Variants in RNF19B observed in about 807,000 individuals in gnomAD.
RNF19B encodes ring finger protein 19B.
Under a neutral mutation model 65.5 loss-of-function variants are expected in RNF19B, and 23 were observed. That is an observed-to-expected ratio of 0.35 (90% CI 0.25 to 0.50). The LOEUF is 0.50. RNF19B is among the 20% of genes least tolerant of loss of function. The probability of loss-of-function intolerance (pLI) is 0.98; values close to 1 mark genes in which losing one functional copy is unlikely to be tolerated. For missense variants in RNF19B, 794 were observed against 980.0 expected (o/e 0.81, Z 2.53); for synonymous variants, 372 against 379.6 (o/e 0.98, Z 0.23).
intron 7 of RNF19B, 34 bp downstream of exon 7, chr1:32,942,218 A>T: frequency 6.5e-7 from 1 of 1,544,992 alleles, no homozygotes; most frequent in Non-Finnish European, 8.9e-7. Flanking sequence ...TTATAATTCT[A>T]ACCATTTCTG....
At chr1:32,946,923 A>C (rs1334959876) in intron 3 of RNF19B, among the ~76,000 whole-genome samples, 1 of 152,168 alleles carries the variant, frequency 6.6e-6, no homozygotes, top group African/African-American at 2.4e-5. Flanking sequence ...GACACACTGC[A>C]CCCTGCACTA....
intron 1 of RNF19B, among the ~76,000 whole-genome samples, chr1:32,954,885 T>G (rs903795490): frequency 1.3e-5 from 2 of 152,102 alleles, no homozygotes; most frequent in African/African-American, 4.8e-5. Flanking sequence ...AAAAACATCG[T>G]ACACTCTGTC....
chr1:32,945,630 TAAG>T lies in RNF19B; in HGVS notation c.1147-5_1147-3del. ...CCTTCCCTCATACCTGCTGTGAATC[TAAG>T]AATAAAAAAAGAAAATCCAGGTCAG... On this transcript the variant is annotated splice_polypyrimidine_tract_variant and splice_region_variant and intron_variant, in intron 4 of 8. Coordinates refer to ENST00000235150, the MANE Select transcript of RNF19B (RefSeq NM_001300826.2). 1 of 1,586,216 alleles carries T rather than the reference TAAG, an allele frequency of 6.3e-7. No individual in the cohort carries two copies. The highest frequency in any genetic ancestry group is 8.7e-7 in the Non-Finnish European group (1 of 1,155,168).
chr1:32,938,454 T>C lies in RNF19B; in HGVS notation c.1685A>G (p.Asn562Ser), dbSNP rs1311243123. ...ACCGGCCATAGCACGAGTGCTTGCGTTGTCACTAATTGCACCAAGACTGGC... is the reference window on the plus strand; with the variant it reads ...ACCGGCCATAGCACGAGTGCTTGCGCTGTCACTAATTGCACCAAGACTGGC... The part of the protein sequence containing the change: ...DTASLGAISD[N>S]ASTRAMAGSI... Residue 562 changes from asparagine to serine, a missense_variant, in exon 8 of 9, where the codon AAC becomes AGC. Around this residue, in one of 3 missense-constraint regions of RNF19B, gnomAD observed 368 missense variants for 447.3 expected, o/e 0.82. Coordinates refer to ENST00000235150, the MANE Select transcript of RNF19B (RefSeq NM_001300826.2). 1.2e-6 allele frequency: 2 copies of C among 1,614,082 alleles called. No individual in the cohort carries two copies. The highest frequency in any genetic ancestry group is 8.5e-7 in the Non-Finnish European group (1 of 1,180,040).
rs1395882341 is a variant in RNF19B at position 32,944,119 on chromosome 1, A to G, written c.1302T>C (p.Val434=). The G allele has an allele frequency of 1.2e-6, 2 of 1,613,998 alleles. No homozygotes were observed. Among genetic ancestry groups the G allele is most frequent in the South Asian group, 1.1e-5 (1 of 91,050 alleles). The change falls in exon 6 of 9, where the codon GTT becomes GTC. Residue 434 remains valine, a synonymous_variant. Coordinates refer to ENST00000235150, the MANE Select transcript of RNF19B (RefSeq NM_001300826.2). Reference sequence around the variant, plus strand: ...CTCCACGACAAAGAGAAATGGGCACAACCCCATAAACATATGCCAGCATAA... The same window carrying G: ...CTCCACGACAAAGAGAAATGGGCACGACCCCATAAACATATGCCAGCATAA... ...VPIMLAYVYG[V]VPISLCRGGG...
In RNF19B at chr1:32,942,301, C is replaced by T. The variant is rs1642254775; in HGVS notation, c.1561G>A (p.Gly521Ser). ...ETASFAALSG[G>S]TLSGGILSSG... ...GAGAGAATGCCGCCACTCAGCGTGC[C>T]CCCTGAGAGGGCTGCAAAGCTGGCC... is the stretch of plus-strand genomic sequence containing the variant. Residue 521 changes from glycine (G) to serine (S), a missense_variant, in exon 7 of 9, where the codon GGC (glycine) becomes AGC (serine). Coordinates refer to ENST00000235150, the MANE Select transcript of RNF19B (RefSeq NM_001300826.2). 6.2e-7 allele frequency: 1 copy of T among 1,613,616 alleles called. No homozygotes were observed. The highest frequency in any genetic ancestry group is 8.5e-7 in the Non-Finnish European group (1 of 1,179,674).
chr1:32,945,709 T>G, intron 4 of RNF19B, 81 bp from the exon 5 acceptor site: 1 of 763,900 alleles, frequency 1.3e-6, no homozygotes, highest in Non-Finnish European at 2.3e-6. Flanking sequence ...AGGTGAATAT[T>G]CACTTGTAAG....
downstream of RNF19B, among the ~76,000 whole-genome samples, chr1:32,934,927 A>G (rs147501578): frequency 0.011 from 1,736 of 151,740 alleles, 32 homozygotes; most frequent in African/African-American, 0.039. Flanking sequence ...CCGCCTCCCG[A>G]GTTCAAGTGA....
At chr1:32,931,020 A>G in the RNF19B span, among the ~76,000 whole-genome samples, 2 of 151,972 alleles carry the variant, frequency 1.3e-5, no homozygotes, top group African/African-American at 2.4e-5. Flanking sequence ...CCTGGGAAGC[A>G]GAGGTTGCAG....
intron 5 of RNF19B, among the ~76,000 whole-genome samples, chr1:32,945,231 T>C (rs951934385): frequency 4.6e-5 from 7 of 152,186 alleles, no homozygotes; most frequent in African/African-American, 9.7e-5. Flanking sequence ...AGAAGGAAGA[T>C]GAAAGGTGAA....
Position 32,949,654 on chromosome 1 carries a change from A to G in RNF19B, c.756T>C (p.Asp252=), listed in dbSNP as rs372791398. The part of the protein sequence containing the change: ...KQIWHPNQTC[D]MARQQRAQTL... ...TCTGGGCCCTCTGTTGACGGGCCATATCGCATGTCTGATTTGGATGCCATA... is the reference window on the plus strand; with the variant it reads ...TCTGGGCCCTCTGTTGACGGGCCATGTCGCATGTCTGATTTGGATGCCATA... Residue 252 remains aspartate (D), a synonymous_variant, in exon 2 of 9, where the codon GAT becomes GAC. Transcript: ENST00000235150. 26 of 1,613,830 alleles carry G rather than the reference A, an allele frequency of 1.6e-5. No homozygotes were observed. Among genetic ancestry groups the G allele is most frequent in the Admixed American group, 3.3e-5 (2 of 59,968 alleles).
chr1:32,951,930 G>T (rs901641167), intron 1 of RNF19B, among the ~76,000 whole-genome samples: 8 of 149,770 alleles, frequency 5.3e-5, no homozygotes, highest in Non-Finnish European at 7.4e-5. Flanking sequence ...GAGTAGCTGG[G>T]ATTACAGGCG....
chr1:32,940,839 G>A (rs1295147746), intron 7 of RNF19B, among the ~76,000 whole-genome samples: 1 of 152,136 alleles, frequency 6.6e-6, no homozygotes, highest in East Asian at 1.9e-4. Flanking sequence ...AATCTTTTTA[G>A]TTACAAAGCT....
Position 32,964,080 on chromosome 1 carries a change from G to A in RNF19B, c.606C>T (p.Asp202=). ...MLRRYLASDP[D]CRWCPAPDCG... ...AGTCCGGGGCCGGGCACCAGCGGCA[G>A]TCGGGGTCCGAGGCTAGGTAGCGGC... is the stretch of plus-strand genomic sequence containing the variant. The change falls in exon 1 of 9, where the codon GAC becomes GAT. Residue 202 remains aspartate, a synonymous_variant. Coordinates refer to ENST00000235150, the MANE Select transcript of RNF19B (RefSeq NM_001300826.2). The surrounding 1 kb of genome is among the most constrained non-coding windows in gnomAD (Gnocchi z 6.5). The A allele has an allele frequency of 6.6e-7, 1 of 1,523,060 alleles. No individual in the cohort carries two copies. The highest frequency in any genetic ancestry group is 8.8e-7 in the Non-Finnish European group (1 of 1,135,732). The allele number at this position is 1,523,060 out of a possible 1,614,324, so 94.3% of individuals were successfully genotyped here.
intron 1 of RNF19B, among the ~76,000 whole-genome samples, chr1:32,959,415 A>C (rs1642717775): frequency 1.3e-5 from 2 of 152,348 alleles, no homozygotes; most frequent in South Asian, 4.1e-4. Context: ...GATACTTGAG[A>C]GGAAAACATT....
At chr1:32,963,392 A>T (rs1235146361) in intron 1 of RNF19B, among the ~76,000 whole-genome samples, 5 of 151,908 alleles carry the variant, frequency 3.3e-5, no homozygotes, top group African/African-American at 4.8e-5. Flanking sequence ...TCCTTGGCCA[A>T]ATATCCCCTC....
intron 1 of RNF19B, among the ~76,000 whole-genome samples, chr1:32,963,807 C>A (rs1055202002): frequency 1.3e-5 from 2 of 152,256 alleles, no homozygotes; most frequent in African/African-American, 2.4e-5. Context: ...CTCCCTGTCT[C>A]CTAACTTGGA....
At chr1:32,938,641 G>T in intron 7 of RNF19B, 113 bp from the exon 8 acceptor site, 1 of 1,086,206 alleles carries the variant, frequency 9.2e-7, no homozygotes, top group Non-Finnish European at 1.4e-6. Flanking sequence ...TTGTCTGTCT[G>T]ATCTTCTCCA....
downstream of RNF19B, among the ~76,000 whole-genome samples, chr1:32,933,915 T>C (rs746583286): frequency 3.6e-4 from 55 of 152,302 alleles, no homozygotes; most frequent in African/African-American, 1.1e-3. Context: ...ATAAGAAATA[T>C]AGGTTTAGCC....
Sources: gnomAD v4.1 joint callset for allele counts (sites outside exome capture counted in the v4.1 genomes callset) on GRCh38, gnomAD v4.1.1 for gene constraint, gnomAD v4.1.1 regional missense constraint, Gnocchi (gnomAD v3.1) non-coding constraint, MANE v1.5 for transcripts, NCBI Gene and HGNC (gene_info 2026-07-23, HGNC 2026-07-21) for gene names.